The following ULK4 variants were observed in gnomAD, a reference collection of about 807,000 sequenced individuals.
The protein encoded by ULK4 is inactive serine/threonine-protein kinase ULK4.
In ULK4, 133 loss-of-function variants were observed where a neutral mutation model predicts 160.6. That is an observed-to-expected ratio of 0.83 (90% confidence interval 0.72 to 0.96). The LOEUF (loss-of-function observed/expected upper bound fraction) is 0.96. ULK4 is among the 40% of genes least tolerant of loss of function. The pLI is 0.00. For synonymous variants in ULK4, 534 were observed against 539.8 expected (o/e 0.99, Z 0.15); for missense variants, 1,580 against 1,499.5 (o/e 1.05, Z -0.89).
intron 12 of ULK4, among the ~76,000 whole-genome samples, chr3:41,905,568 G>C (rs966594374): frequency 1.2e-4 from 18 of 151,852 alleles, no homozygotes; most frequent in Non-Finnish European, 1.5e-4. Flanking sequence ...TCCAGAAAAA[G>C]GGAGAAAATT....
chr3:41,880,751 G>A lies in ULK4; in HGVS notation c.1656+3123C>T, dbSNP rs9756298. On this transcript the variant is annotated intron_variant, in intron 17 of 36. Coordinates refer to ENST00000301831, the MANE Select transcript of ULK4 (RefSeq NM_017886.4). Reference sequence around the variant, plus strand: ...CCAGCCTGACCAACATGATGAAACCGTGTCTCTACTAAAAATACAAAACTT... The same window carrying A: ...CCAGCCTGACCAACATGATGAAACCATGTCTCTACTAAAAATACAAAACTT... Among the ~76,000 whole-genome samples, 481 of 152,022 alleles carry A rather than the reference G, an allele frequency of 3.2e-3. 1 individual carries two copies. The highest frequency in any genetic ancestry group is 0.011 in the African/African-American group (451 of 41,448).
chr3:41,812,366 T>TA (rs1220238770), intron 19 of ULK4, among the ~76,000 whole-genome samples: 1 of 151,996 alleles, frequency 6.6e-6, no homozygotes, highest in Non-Finnish European at 1.5e-5. Context: ...GTTACAGATG[T>TA]AAATGATCAG....
intron 35 of ULK4, among the ~76,000 whole-genome samples, chr3:41,306,236 C>T (rs868065299): frequency 1.1e-5 from 1 of 88,806 alleles, no homozygotes. Context: ...GTCAGCCCCC[C>T]GCCCGGCCAG....
intron 35 of ULK4, among the ~76,000 whole-genome samples, chr3:41,335,238 T>C (rs931983092): frequency 3.9e-5 from 6 of 152,208 alleles, no homozygotes; most frequent in Non-Finnish European, 5.9e-5. Context: ...TAATTTAAAT[T>C]AGGCACTGAG....
At chr3:41,555,985 T>C (rs2087281635) in intron 32 of ULK4, among the ~76,000 whole-genome samples, 1 of 152,082 alleles carries the variant, frequency 6.6e-6, no homozygotes, top group South Asian at 2.1e-4. Flanking sequence ...ATGAGAATAC[T>C]TGGACACATA....
chr3:41,825,013 C>T (rs546167772), intron 18 of ULK4, among the ~76,000 whole-genome samples: 20 of 152,290 alleles, frequency 1.3e-4, no homozygotes, highest in East Asian at 1.2e-3. Flanking sequence ...CACCAATATC[C>T]GCTGTTCTGC....
chr3:41,912,456 T>C (rs781560237), intron 9 of ULK4, among the ~76,000 whole-genome samples: 1 of 152,218 alleles, frequency 6.6e-6, no homozygotes, highest in Non-Finnish European at 1.5e-5. Flanking sequence ...ACATTGCTTT[T>C]ACTAACATTT....
intron 30 of ULK4, among the ~76,000 whole-genome samples, chr3:41,643,974 C>G (rs1338758496): frequency 1.3e-5 from 2 of 152,040 alleles, no homozygotes. Flanking sequence ...GGAGTTCACT[C>G]ATGATTTGGC....
At chr3:41,672,707 A>G (rs1354680123) in intron 29 of ULK4, among the ~76,000 whole-genome samples, 2 of 152,234 alleles carry the variant, frequency 1.3e-5, no homozygotes, top group Non-Finnish European at 2.9e-5. Flanking sequence ...AACTTGAAAT[A>G]TACTGACACA....
chr3:41,641,731 A>G (rs2034204942), intron 30 of ULK4, among the ~76,000 whole-genome samples: 1 of 152,102 alleles, frequency 6.6e-6, no homozygotes, highest in Admixed American at 6.5e-5. Flanking sequence ...AATTTAGTAA[A>G]TTCTGAACAT....
intron 22 of ULK4, among the ~76,000 whole-genome samples, chr3:41,752,877 A>G (rs1421354819): frequency 6.6e-6 from 1 of 152,196 alleles, no homozygotes; most frequent in South Asian, 2.1e-4. Context: ...ATTACAAAAG[A>G]AAAATTTCAT....
chr3:41,650,740 G>T (rs2034707583), intron 30 of ULK4, among the ~76,000 whole-genome samples: 1 of 152,214 alleles, frequency 6.6e-6, no homozygotes, highest in Admixed American at 6.5e-5. Context: ...TCAGGCGAAG[G>T]CGCCAGCAGC....
chr3:41,535,734 A>T (rs1392170087), intron 32 of ULK4, among the ~76,000 whole-genome samples: 1 of 152,196 alleles, frequency 6.6e-6, no homozygotes, highest in Non-Finnish European at 1.5e-5. Context: ...TTGGAAAAGT[A>T]AGCTCACACA....
At chr3:41,357,948 A>G (rs2081059643) in intron 35 of ULK4, among the ~76,000 whole-genome samples, 1 of 152,252 alleles carries the variant, frequency 6.6e-6, no homozygotes, top group African/African-American at 2.4e-5. Context: ...CATGTATAAA[A>G]AGAGAAAACT....
intron 32 of ULK4, among the ~76,000 whole-genome samples, chr3:41,492,493 T>C (rs1269325685): frequency 2.0e-5 from 3 of 150,454 alleles, no homozygotes; most frequent in East Asian, 1.9e-4. Context: ...GTAAAGACCA[T>C]TGAGACTAGG....
intron 35 of ULK4, among the ~76,000 whole-genome samples, chr3:41,271,602 C>T (rs914384291): frequency 6.6e-6 from 1 of 152,088 alleles, no homozygotes; most frequent in African/African-American, 2.4e-5. Context: ...CGATGTTGGC[C>T]AGGCTGGTCT....
intron 32 of ULK4, among the ~76,000 whole-genome samples, chr3:41,524,976 A>C (rs1282358377): frequency 1.3e-5 from 2 of 151,968 alleles, no homozygotes; most frequent in East Asian, 3.9e-4. Context: ...AAACAAAACA[A>C]AGGAAGAGGA....
At chr3:41,709,052 T>C (rs886110897) in intron 25 of ULK4, among the ~76,000 whole-genome samples, 5 of 152,172 alleles carry the variant, frequency 3.3e-5, no homozygotes, top group African/African-American at 4.8e-5. Flanking sequence ...GTTTCTACAA[T>C]ACAAATGCAT....
intron 32 of ULK4, among the ~76,000 whole-genome samples, chr3:41,478,849 G>C (rs891785079): frequency 6.6e-6 from 1 of 152,188 alleles, no homozygotes; most frequent in African/African-American, 2.4e-5. Flanking sequence ...AAGATACAAT[G>C]TTACTTATGA....
Sources: allele counts gnomAD v4.1 joint callset (sites outside exome capture counted in the v4.1 genomes callset), GRCh38; gene constraint gnomAD v4.1.1; transcripts MANE v1.5; gene names NCBI Gene and HGNC (gene_info 2026-07-23, HGNC 2026-07-21).